GRB10: variants seen among roughly 807,000 people sequenced by gnomAD.
GRB10 encodes growth factor receptor-bound protein 10.
Under a neutral mutation model 80.9 loss-of-function variants are expected in GRB10, and 20 were observed. That is an observed-to-expected ratio of 0.25 (90% CI 0.17 to 0.36). The LOEUF is 0.36. Among genes scored for constraint, GRB10 ranks in the 10% least tolerant of loss-of-function variants. The pLI is 1.00. For synonymous variants in GRB10, 291 were observed against 291.5 expected, an observed-to-expected ratio of 1.00 and a Z score of 0.02; for missense variants, 548 against 747.7, an observed-to-expected ratio of 0.73 and a Z score of 3.12.
At chr7:50,719,345 G>A (rs183432252) in intron 4 of GRB10, among the ~76,000 whole-genome samples, 2 of 152,284 alleles carry the variant, frequency 1.3e-5, no homozygotes, top group African/African-American at 4.8e-5. Flanking sequence ...GAGACAGAAG[G>A]CCCTGCAAAG....
intron 3 of GRB10, among the ~76,000 whole-genome samples, chr7:50,738,352 C>T (rs1422672361): frequency 1.3e-5 from 2 of 152,196 alleles, no homozygotes; most frequent in East Asian, 3.8e-4. Context: ...CAGCACTATT[C>T]ACAATAGCCA....
intron 4 of GRB10, chr7:50,727,742 A>G (rs1208646721): frequency 6.8e-6 from 1 of 147,912 alleles, no homozygotes; most frequent in African/African-American, 2.5e-5. Context: ...AAAAAAAAAA[A>G]CTTACATTCT....
At chr7:50,677,937 G>A (rs147818972) in intron 5 of GRB10, among the ~76,000 whole-genome samples, 1 of 152,276 alleles carries the variant, frequency 6.6e-6, no homozygotes, top group East Asian at 1.9e-4. Context: ...TTTTAATCCT[G>A]CTTTGGAAAT....
intron 17 of GRB10, among the ~76,000 whole-genome samples, chr7:50,601,049 G>A (rs1484142260): frequency 6.6e-6 from 1 of 152,256 alleles, no homozygotes; most frequent in Non-Finnish European, 1.5e-5. Flanking sequence ...CCCAAGAGTG[G>A]AAAAGAAATG....
chr7:50,675,343 C>T (rs561569854), intron 5 of GRB10, among the ~76,000 whole-genome samples: 3 of 152,116 alleles, frequency 2.0e-5, no homozygotes, highest in Non-Finnish European at 4.4e-5. Context: ...AGAGAGAGAG[C>T]GGCGGAAAAC....
Position 50,590,419 on chromosome 7 carries a change from T to G in GRB10, c.*2533A>C, listed in dbSNP as rs2045719679. 1 of 152,262 alleles carries G rather than the reference T, an allele frequency of 6.6e-6. No individual in the cohort carries two copies. Among genetic ancestry groups the G allele is most frequent in the Non-Finnish European group, 1.5e-5 (1 of 68,038 alleles). The allele number at this position is 152,262 out of a possible 1,614,324, so 9.4% of individuals were successfully genotyped here. A position where few individuals can be genotyped will look rare whatever the true frequency, so the allele number is the denominator to read the frequency against. On this transcript the variant is annotated 3_prime_UTR_variant, in exon 19 of 19. Transcript: ENST00000401949. ...ACATCTAGGCTGAGGCACATGTTTC[T>G]TCAAGGTTTAGCAAACAAAAGAACA...
chr7:50,774,984 C>G (rs934239633), intron 2 of GRB10, among the ~76,000 whole-genome samples: 4 of 143,116 alleles, frequency 2.8e-5, no homozygotes, highest in Non-Finnish European at 6.2e-5. Flanking sequence ...TCTCTAATAC[C>G]AAAAACAAAA....
intron 3 of GRB10, among the ~76,000 whole-genome samples, chr7:50,736,852 G>A (rs1170327670): frequency 6.6e-6 from 1 of 152,062 alleles, no homozygotes; most frequent in East Asian, 1.9e-4. Context: ...ACAAAATGAA[G>A]CTGGACTCTA....
chr7:50,637,348 A>G (rs2055241201), intron 7 of GRB10, among the ~76,000 whole-genome samples: 1 of 152,218 alleles, frequency 6.6e-6, no homozygotes, highest in Non-Finnish European at 1.5e-5. Context: ...AGAATACAAA[A>G]TCAGCATATA....
intron 7 of GRB10, among the ~76,000 whole-genome samples, chr7:50,648,691 TC>T (rs1255314926): frequency 1.3e-5 from 2 of 152,126 alleles, no homozygotes; most frequent in Non-Finnish European, 2.9e-5. Context: ...TTCCAGAGTT[TC>T]CCTTCTTCAG....
intron 1 of GRB10, among the ~76,000 whole-genome samples, chr7:50,788,502 C>A (rs560294531): frequency 6.6e-6 from 1 of 152,170 alleles, no homozygotes; most frequent in Non-Finnish European, 1.5e-5. Flanking sequence ...CAGTCCCCAA[C>A]GCAGTGCCAC....
At chr7:50,674,815 T>C (rs2060743870) in intron 5 of GRB10, among the ~76,000 whole-genome samples, 157 bp from the exon 6 acceptor site, 1 of 152,226 alleles carries the variant, frequency 6.6e-6, no homozygotes. Context: ...TATGACTGTA[T>C]GGAAGCATGC....
intron 2 of GRB10, among the ~76,000 whole-genome samples, chr7:50,773,328 A>G (rs1304736851): frequency 1.3e-5 from 2 of 149,842 alleles, no homozygotes; most frequent in Non-Finnish European, 3.0e-5. Flanking sequence ...AGCTATAAGG[A>G]AAGAAAGGGG....
chr7:50,789,204 T>G (rs1163413092), intron 1 of GRB10, among the ~76,000 whole-genome samples: 1 of 152,214 alleles, frequency 6.6e-6, no homozygotes, highest in African/African-American at 2.4e-5. Flanking sequence ...GCAACTAGCA[T>G]GTACAAAGCA....
Position 50,673,122 on chromosome 7 carries a change from T to C in GRB10, c.362+1314A>G, listed in dbSNP as rs1586704680. Among the ~76,000 whole-genome samples, 5 of 151,936 alleles carry C rather than the reference T, an allele frequency of 3.3e-5. No individual in the cohort carries two copies. In the South Asian group the frequency reaches 1.0e-3, roughly 32 times the overall value. ...AGACCACAAAGAAAACTCTCAGAAG[T>C]TTCTAGAAGCAAGAAGAGCCCAGGA... On this transcript the variant is annotated intron_variant, in intron 6 of 18. Coordinates refer to ENST00000401949, the MANE Select transcript of GRB10 (RefSeq NM_001350814.2).
chr7:50,785,882 AAATAAG>A (rs1210753940), upstream of GRB10, among the ~76,000 whole-genome samples: 14 of 152,264 alleles, frequency 9.2e-5, no homozygotes, highest in Admixed American at 2.0e-4. Flanking sequence ...CGTATCTATG[AAATAAG>A]AATATTATGC....
chr7:50,727,210 T>G (rs1207923945), intron 4 of GRB10: 5 of 152,202 alleles, frequency 3.3e-5, no homozygotes, highest in Admixed American at 3.3e-4. Context: ...CTGTCGAATA[T>G]GTTAGTTTTA....
intron 4 of GRB10, among the ~76,000 whole-genome samples, chr7:50,706,274 T>C (rs529032064): frequency 6.6e-6 from 1 of 152,230 alleles, no homozygotes; most frequent in Non-Finnish European, 1.5e-5. Context: ...GTAAATACTA[T>C]TTTTTTCATA....
chr7:50,690,548 C>T (rs933360), intron 5 of GRB10, among the ~76,000 whole-genome samples: 93,025 of 152,114 alleles, frequency 0.61, 31,266 homozygotes, highest in Middle Eastern at 0.85. Context: ...TGGACGGAAA[C>T]GGTCCATATG....
Sources: allele counts gnomAD v4.1 joint callset (sites outside exome capture counted in the v4.1 genomes callset), GRCh38; gene constraint gnomAD v4.1.1; transcripts MANE v1.5; gene names NCBI Gene and HGNC (gene_info 2026-07-23, HGNC 2026-07-21).